Variants in ADCY10 observed in about 807,000 individuals in gnomAD.
The protein encoded by ADCY10 is adenylate cyclase type 10.
A neutral mutation model predicts 183.3 loss-of-function variants in ADCY10; 156 were observed. That is an observed-to-expected ratio of 0.85 (90% CI 0.75 to 0.97). The LOEUF is 0.97. Ranked by LOEUF, ADCY10 falls within the 50% of genes least tolerant of loss-of-function variation. The pLI is 0.00. For missense variants in ADCY10, 1,745 were observed against 1,934.3 expected, an observed-to-expected ratio of 0.90 and a Z score of 1.84; for synonymous variants, 645 against 670.0, an observed-to-expected ratio of 0.96 and a Z score of 0.58.
chr1:167,878,332 A>T, intron 12 of ADCY10, 114 bp downstream of exon 12: 1 of 1,212,720 alleles, frequency 8.2e-7, no homozygotes. Flanking sequence ...TGGGGAAAGC[A>T]TAGATTTCAA....
chr1:167,884,453 A>C (rs1288253280), intron 8 of ADCY10, among the ~76,000 whole-genome samples: 1 of 152,170 alleles, frequency 6.6e-6, no homozygotes, highest in African/African-American at 2.4e-5. Flanking sequence ...CCCCTCCACC[A>C]ACATTGGGGA....
intron 31 of ADCY10, among the ~76,000 whole-genome samples, chr1:167,813,275 G>T (rs1235702636): frequency 6.6e-6 from 1 of 151,682 alleles, no homozygotes; most frequent in Non-Finnish European, 1.5e-5. Flanking sequence ...TCACATACAA[G>T]ACATCTTCAA....
intron 31 of ADCY10, among the ~76,000 whole-genome samples, chr1:167,813,471 C>A (rs1202171713): frequency 6.6e-6 from 1 of 151,732 alleles, no homozygotes; most frequent in Non-Finnish European, 1.5e-5. Context: ...AAGTTAATTA[C>A]CACCAGGACT....
chr1:167,818,193 G>A lies in ADCY10; in HGVS notation c.4361C>T (p.Thr1454Ile), dbSNP rs1018885177. 6.2e-6 allele frequency: 10 copies of A among 1,614,054 alleles called. No individual in the cohort carries two copies. Among genetic ancestry groups the A allele is most frequent in the Middle Eastern group, 1.6e-4 (1 of 6,084 alleles). The change falls in exon 31 of 33, where the codon ACC becomes ATC. Residue 1454 changes from threonine (T) to isoleucine (I), a missense_variant. Coordinates refer to ENST00000367851, the MANE Select transcript of ADCY10 (RefSeq NM_018417.6). The part of the protein sequence containing the change: ...NRAKNLLPRR[T>I]MTLTYYDGIS... ...TCCGTCATAGTAAGTAAGTGTCATG[G>A]TTCTTCTTGGCAAAAGATTTTTAGC...
chr1:167,876,100 T>C (rs1399459028), intron 12 of ADCY10, among the ~76,000 whole-genome samples: 2 of 151,294 alleles, frequency 1.3e-5, no homozygotes, highest in East Asian at 3.9e-4. Flanking sequence ...CTACTAAAAA[T>C]ACAAAAATTA....
At chr1:167,865,473 A>G (rs565687973) in intron 14 of ADCY10, among the ~76,000 whole-genome samples, 6 of 152,356 alleles carry the variant, frequency 3.9e-5, no homozygotes, top group African/African-American at 1.4e-4. Flanking sequence ...TCAAACATGA[A>G]AAATTGGATA....
chr1:167,901,127 G>A (rs1253681931), intron 5 of ADCY10, among the ~76,000 whole-genome samples: 1 of 152,098 alleles, frequency 6.6e-6, no homozygotes, highest in South Asian at 2.1e-4. Context: ...TGTAATGTCT[G>A]CAATGTAATA....
chr1:167,826,404 C>A (rs916893033), intron 26 of ADCY10, among the ~76,000 whole-genome samples: 1 of 152,244 alleles, frequency 6.6e-6, no homozygotes, highest in Non-Finnish European at 1.5e-5. Flanking sequence ...TCCTGGAAAC[C>A]ACCCTCTGGC....
intron 23 of ADCY10, chr1:167,834,834 A>G (rs1261423108): frequency 6.5e-6 from 1 of 152,882 alleles, no homozygotes; most frequent in Non-Finnish European, 1.5e-5. Context: ...GCTTCTAATC[A>G]TTGTCTTCTT....
chr1:167,883,822 C>T (rs1668036197), intron 8 of ADCY10, among the ~76,000 whole-genome samples, 194 bp from the exon 9 acceptor site: 1 of 152,178 alleles, frequency 6.6e-6, no homozygotes, highest in African/African-American at 2.4e-5. Flanking sequence ...CCAGTGGGGA[C>T]TTATGCATGT....
At position 167,839,226 on chromosome 1, in the gene ADCY10, C is replaced by T. The variant is rs114148324; in HGVS notation, c.3008-1908G>A. 8.0e-3 allele frequency among the ~76,000 whole-genome samples: 1,211 copies of T among 152,308 alleles called. 20 individuals carry two copies. Among genetic ancestry groups the T allele is most frequent in the African/African-American group, 0.028 (1,146 of 41,574 alleles). On this transcript the variant is annotated intron_variant, in intron 21 of 32. Transcript: ENST00000367851. ...CCCTTTTCTCATTAGTAATAGACAGCGACATTCTTCAGCTTCCCTTGCAAC... is the reference window on the plus strand; with the variant it reads ...CCCTTTTCTCATTAGTAATAGACAGTGACATTCTTCAGCTTCCCTTGCAAC...
At position 167,823,114 on chromosome 1, in the gene ADCY10, T is replaced by G. The variant is rs1663020027; in HGVS notation, c.4062A>C (p.Gln1354His). 1.2e-6 allele frequency: 2 copies of G among 1,614,004 alleles called. No homozygotes were observed. The highest frequency in any genetic ancestry group is 4.5e-5 in the East Asian group (2 of 44,878). The change falls in exon 29 of 33, where the codon CAA becomes CAC. Residue 1354 changes from glutamine (Q) to histidine (H), a missense_variant. Gln to His is a conservative substitution (Grantham distance 24). Transcript: ENST00000367851. ...RCLLLNSRYP[Q>H]LIQVLGRLWE... ...ACAGCCGCCCCAGCACCTGGATCAA[T>G]TGCGGGTATCTATGGAAAAGAAAAG...
At chr1:167,863,284 T>C (rs949198264) in intron 14 of ADCY10, among the ~76,000 whole-genome samples, 1 of 152,186 alleles carries the variant, frequency 6.6e-6, no homozygotes, top group Non-Finnish European at 1.5e-5. Flanking sequence ...AGACATTGTA[T>C]GGAAGGGCAT....
intron 14 of ADCY10, 150 bp from the exon 15 acceptor site, chr1:167,861,213 T>A (rs1306479202): frequency 1.1e-5 from 8 of 711,256 alleles, no homozygotes; most frequent in Non-Finnish European, 1.9e-5. Context: ...TTATTGCTGC[T>A]TCTGATATAC....
intron 14 of ADCY10, among the ~76,000 whole-genome samples, chr1:167,862,772 G>C (rs1211747899): frequency 6.6e-6 from 1 of 152,184 alleles, no homozygotes; most frequent in Non-Finnish European, 1.5e-5. Flanking sequence ...TTTAATGTGG[G>C]ATAGAGATAC....
intron 26 of ADCY10, 53 bp from the exon 27 acceptor site, chr1:167,824,908 A>C: frequency 7.8e-5 from 118 of 1,505,276 alleles, no homozygotes; most frequent in Non-Finnish European, 1.0e-4. Flanking sequence ...CAGAAAGCTC[A>C]GGAACATCAC....
At chr1:167,869,825 G>A (rs978956164) in intron 14 of ADCY10, among the ~76,000 whole-genome samples, 37 of 151,994 alleles carry the variant, frequency 2.4e-4, no homozygotes, top group Non-Finnish European at 3.7e-4. Context: ...CTAGCCTGCC[G>A]ATTCTCCCAG....
chr1:167,904,385 G>A (rs1669677395), intron 2 of ADCY10, among the ~76,000 whole-genome samples: 1 of 151,888 alleles, frequency 6.6e-6, no homozygotes, highest in African/African-American at 2.4e-5. Context: ...CGAACCCGGT[G>A]GCCTCAGCTT....
chr1:167,812,827 C>T (rs909550837), intron 31 of ADCY10, among the ~76,000 whole-genome samples: 1 of 151,586 alleles, frequency 6.6e-6, no homozygotes, highest in Admixed American at 6.6e-5. Flanking sequence ...TAAAAATATA[C>T]CAAAAAGAAA....
Sources: allele counts gnomAD v4.1 joint callset (sites outside exome capture counted in the v4.1 genomes callset), GRCh38; gene constraint gnomAD v4.1.1; transcripts MANE v1.5; gene names NCBI Gene and HGNC (gene_info 2026-07-23, HGNC 2026-07-21).